SGCZ: variants seen among roughly 807,000 people sequenced by gnomAD.
SGCZ encodes zeta-sarcoglycan.
SGCZ carries 40 observed loss-of-function variants against 41.3 expected under a neutral mutation model. The ratio of observed to expected loss-of-function variants is 0.97; its 90% CI spans 0.75 to 1.26. The LOEUF is 1.26. Ranked by LOEUF, SGCZ falls within the 50% of genes most tolerant of loss-of-function variation. SGCZ has a pLI of 0.00. For missense variants in SGCZ, 552 were observed against 369.8 expected (o/e 1.49, Z -4.04); for synonymous variants, 206 against 137.5 (o/e 1.50, Z -3.49).
intron 1 of SGCZ, among the ~76,000 whole-genome samples, chr8:15,038,279 T>C (rs1462758528): frequency 6.6e-6 from 1 of 151,942 alleles, no homozygotes; most frequent in African/African-American, 2.4e-5. Context: ...TGGAGTAAAA[T>C]AGAGAGCCCA....
chr8:14,252,787 C>G (rs1359090301), intron 3 of SGCZ, among the ~76,000 whole-genome samples: 2 of 152,176 alleles, frequency 1.3e-5, no homozygotes. Context: ...CTTCAGCTTT[C>G]AGGCAGTGCC....
intron 2 of SGCZ, among the ~76,000 whole-genome samples, chr8:14,523,010 C>T (rs1365983379): frequency 1.3e-5 from 2 of 151,808 alleles, no homozygotes; most frequent in African/African-American, 4.8e-5. Context: ...AAACTATATA[C>T]AGAACTTACC....
intron 2 of SGCZ, among the ~76,000 whole-genome samples, chr8:14,362,195 T>A (rs1397679025): frequency 6.6e-6 from 1 of 152,184 alleles, no homozygotes; most frequent in Non-Finnish European, 1.5e-5. Context: ...CACACCATAC[T>A]GGGAGAAGCA....
intron 1 of SGCZ, among the ~76,000 whole-genome samples, chr8:14,569,913 G>T (rs576171883): frequency 1.3e-5 from 2 of 151,322 alleles, no homozygotes; most frequent in East Asian, 3.9e-4. Context: ...GGCCAAAGAA[G>T]TGAGGAGGAC....
At chr8:14,710,369 CAAAAAAA>C (rs770994264) in intron 1 of SGCZ, among the ~76,000 whole-genome samples, 20 of 92,406 alleles carry the variant, frequency 2.2e-4, no homozygotes, top group African/African-American at 5.9e-4. Context: ...GACTCCGCAT[CAAAAAAA>C]AAAAAAAAAA....
chr8:14,294,732 G>T (rs763399822), intron 3 of SGCZ, among the ~76,000 whole-genome samples: 6 of 151,876 alleles, frequency 4.0e-5, no homozygotes, highest in Admixed American at 3.3e-4. Context: ...TAAAGCAAAA[G>T]CCCAATTTTA....
intron 7 of SGCZ, among the ~76,000 whole-genome samples, chr8:14,095,673 A>C (rs559826444): frequency 3.3e-5 from 5 of 152,152 alleles, no homozygotes; most frequent in African/African-American, 4.8e-5. Flanking sequence ...GATAGCATTG[A>C]ATCTATAAAT....
At chr8:15,001,970 AG>A (rs1802441546) in intron 1 of SGCZ, among the ~76,000 whole-genome samples, 2 of 152,122 alleles carry the variant, frequency 1.3e-5, no homozygotes, top group Non-Finnish European at 2.9e-5. Flanking sequence ...TAAAGAGCGA[AG>A]AAGATTTGAG....
At chr8:14,984,539 A>G (rs1304737909) in intron 1 of SGCZ, among the ~76,000 whole-genome samples, 1 of 151,964 alleles carries the variant, frequency 6.6e-6, no homozygotes, top group African/African-American at 2.4e-5. Flanking sequence ...TTCCTTCTAT[A>G]AAGCGTGCTA....
At chr8:14,399,898 T>C (rs1237021268) in intron 2 of SGCZ, among the ~76,000 whole-genome samples, 2 of 152,104 alleles carry the variant, frequency 1.3e-5, no homozygotes, top group South Asian at 2.1e-4. Context: ...ATGTTTAGTA[T>C]ACTTCCAAAA....
chr8:14,864,147 T>C lies in SGCZ; in HGVS notation c.40-309221A>G, dbSNP rs969761566. On this transcript the variant is annotated intron_variant, in intron 1 of 7. Transcript: ENST00000382080. ...TTAGAAGGGTAAGAACAAAACATCA[T>C]TGGATTTTCAGCAATAGTCACCATG... Among the ~76,000 whole-genome samples, 100 of 152,160 alleles carry C rather than the reference T, an allele frequency of 6.6e-4. 1 individual carries two copies. Among genetic ancestry groups the C allele is most frequent in the Non-Finnish European group, 3.2e-4 (22 of 68,016 alleles).
At chr8:14,490,893 T>C (rs1801823273) in intron 2 of SGCZ, among the ~76,000 whole-genome samples, 1 of 152,204 alleles carries the variant, frequency 6.6e-6, no homozygotes, top group African/African-American at 2.4e-5. Flanking sequence ...TATTGCTGTT[T>C]CAGGAGCTAA....
Position 14,324,929 on chromosome 8 carries a change from T to G in SGCZ, c.235-725A>C, listed in dbSNP as rs992063866. 8.6e-5 allele frequency among the ~76,000 whole-genome samples: 13 copies of G among 151,982 alleles called. No homozygotes were observed. In the East Asian group the frequency reaches 2.1e-3, roughly 25 times the overall value. On this transcript the variant is annotated intron_variant, in intron 2 of 7. Transcript: ENST00000382080. ...TTCAACAGGGAAGGTCCCTGGAGGG[T>G]GGAACAAAATAAACATTCTGGCAAC...
intron 2 of SGCZ, among the ~76,000 whole-genome samples, chr8:14,435,726 T>A (rs1182337259): frequency 6.6e-6 from 1 of 152,192 alleles, no homozygotes; most frequent in African/African-American, 2.4e-5. Flanking sequence ...AAGTAGACAT[T>A]TGAATATGAT....
At chr8:14,452,964 G>A (rs1167082252) in intron 2 of SGCZ, among the ~76,000 whole-genome samples, 2 of 151,918 alleles carry the variant, frequency 1.3e-5, no homozygotes, top group South Asian at 2.1e-4. Context: ...TTAGCTGGGT[G>A]TGATAGCACA....
chr8:15,038,140 A>G (rs1270935861), intron 1 of SGCZ, among the ~76,000 whole-genome samples: 10 of 152,158 alleles, frequency 6.6e-5, no homozygotes, highest in Non-Finnish European at 1.5e-5. Flanking sequence ...AAGACATGGA[A>G]TAACAAAAAC....
In SGCZ at chr8:14,130,727, G is replaced by T. The variant is rs143748978; in HGVS notation, c.548-22492C>A. Among the ~76,000 whole-genome samples the T allele has an allele frequency of 2.0e-5, 3 of 152,316 alleles. No individual in the cohort carries two copies. In the East Asian group the frequency reaches 5.8e-4, roughly 29 times the overall value. ...TCAAGCTGCAGACATAGGTATGCAA[G>T]CTGGATGCTTGCATAGGTAAATGCC... On this transcript the variant is annotated intron_variant, in intron 5 of 7. Coordinates refer to ENST00000382080, the MANE Select transcript of SGCZ (RefSeq NM_139167.4).
chr8:14,625,100 G>A (rs975036355), intron 1 of SGCZ, among the ~76,000 whole-genome samples: 7 of 152,066 alleles, frequency 4.6e-5, no homozygotes, highest in African/African-American at 9.7e-5. Context: ...TTATTTGACA[G>A]TTAAACTGAT....
intron 2 of SGCZ, among the ~76,000 whole-genome samples, chr8:14,537,780 G>A (rs1298272001): frequency 6.6e-6 from 1 of 151,882 alleles, no homozygotes; most frequent in African/African-American, 2.4e-5. Flanking sequence ...ATGATAAAAT[G>A]TGTTTGTGAA....
Sources: allele counts gnomAD v4.1 joint callset (sites outside exome capture counted in the v4.1 genomes callset), GRCh38; gene constraint gnomAD v4.1.1; transcripts MANE v1.5; gene names NCBI Gene and HGNC (gene_info 2026-07-23, HGNC 2026-07-21).